Variants in APOL6 observed in about 807,000 individuals in gnomAD.
APOL6 encodes the protein apolipoprotein L, 6.
A neutral mutation model predicts 2.4 loss-of-function variants in APOL6; 1 was observed. The observed-to-expected ratio is 0.41, with a 90% CI of 0.15 to 1.94. The LOEUF (loss-of-function observed/expected upper bound fraction) is 1.94. APOL6 is among the 30% of genes most tolerant of loss of function. APOL6 has a pLI of 0.30. For missense variants in APOL6, 438 were observed against 429.2 expected, an observed-to-expected ratio of 1.02 and a Z score of -0.18; for synonymous variants, 189 against 169.3, an observed-to-expected ratio of 1.12 and a Z score of -0.90.
rs369107640 is a variant in APOL6 at position 35,659,120 on chromosome 22, C to T, written c.556C>T (p.Arg186Cys). Reference sequence around the variant, plus strand: ...CTTGAAGTATGCCAAGAAAAACGTCCGTGCATTTTGGAAACTCAGAGCCAA... The same window carrying T: ...CTTGAAGTATGCCAAGAAAAACGTCTGTGCATTTTGGAAACTCAGAGCCAA... ...NTLKYAKKNV[R>C]AFWKLRANPR... is the part of the protein sequence containing the mutation. Residue 186 changes from arginine to cysteine, a missense_variant, in exon 3 of 3, where the codon CGT becomes TGT. Arg to Cys is a radical substitution (Grantham distance 180, BLOSUM62 -3). Transcript: ENST00000409652. 2.9e-5 allele frequency: 46 copies of T among 1,613,968 alleles called. No individual in the cohort carries two copies. The highest frequency in any genetic ancestry group is 6.7e-5 in the African/African-American group (5 of 74,904).
rs117457861 is a variant in APOL6 at position 35,653,576 on chromosome 22, A to T, written c.-47-2803A>T. 7.0e-3 allele frequency among the ~76,000 whole-genome samples: 1,059 copies of T among 152,242 alleles called. 9 individuals carry two copies. The highest frequency in any genetic ancestry group is 0.011 in the Non-Finnish European group (764 of 68,006). On this transcript the variant is annotated intron_variant, in intron 1 of 2. Coordinates refer to ENST00000409652, the MANE Select transcript of APOL6 (RefSeq NM_030641.4). The stretch of plus-strand genomic sequence containing the variant: ...TATTATTTTGAGATACGTGGCAAGG[A>T]CCTTCTTGCTGTGTTATCCCATGAC...
In APOL6 at chr22:35,665,285, A is replaced by C. The variant is rs1344770983; in HGVS notation, c.*5689A>C. 1 of 152,174 alleles carries C rather than the reference A, an allele frequency of 6.6e-6. No individual in the cohort carries two copies. The highest frequency in any genetic ancestry group is 1.5e-5 in the Non-Finnish European group (1 of 68,034). The allele number at this position is 152,174 out of a possible 1,614,324, so 9.4% of individuals were successfully genotyped here. A position where few individuals can be genotyped will look rare whatever the true frequency, so the allele number is the denominator to read the frequency against. ...TTGTAACATTGAGTTACAGGGCTTTAACTCCTGTGTCTGAAAAATCACAAA... is the reference window on the plus strand; with the variant it reads ...TTGTAACATTGAGTTACAGGGCTTTCACTCCTGTGTCTGAAAAATCACAAA... On this transcript the variant is annotated 3_prime_UTR_variant, in exon 3 of 3. Transcript: ENST00000409652.
intron 1 of APOL6, among the ~76,000 whole-genome samples, chr22:35,654,990 C>T (rs187773617): frequency 6.6e-6 from 1 of 152,282 alleles, no homozygotes; most frequent in African/African-American, 2.4e-5. Flanking sequence ...CGTAACAAAA[C>T]TTACTGACTA....
rs1277738964 is a variant in APOL6 at position 35,667,403 on chromosome 22, A to C, written c.*7807A>C. 2.0e-5 allele frequency: 3 copies of C among 152,208 alleles called. No individual in the cohort carries two copies. The highest frequency in any genetic ancestry group is 4.8e-5 in the African/African-American group (2 of 41,460). The allele number at this position is 152,208 out of a possible 1,614,324, so 9.4% of individuals were successfully genotyped here. A position where few individuals can be genotyped will look rare whatever the true frequency, so the allele number is the denominator to read the frequency against. On this transcript the variant is annotated 3_prime_UTR_variant, in exon 3 of 3. Coordinates refer to ENST00000409652, the MANE Select transcript of APOL6 (RefSeq NM_030641.4). The stretch of plus-strand genomic sequence containing the variant: ...ATTGGTAGAGATGCCATCACTGGGC[A>C]AGTGTTCTGAAAACATCTTATCTGA...
At chr22:35,654,328 C>T (rs1316644478) in intron 1 of APOL6, among the ~76,000 whole-genome samples, 1 of 152,110 alleles carries the variant, frequency 6.6e-6, no homozygotes, top group African/African-American at 2.4e-5. Flanking sequence ...CCTCAAATCA[C>T]ATGGTTGTTT....
chr22:35,658,040 T>G (rs1227486123), intron 2 of APOL6, among the ~76,000 whole-genome samples: 1 of 152,038 alleles, frequency 6.6e-6, no homozygotes, highest in African/African-American at 2.4e-5. Flanking sequence ...ATAATTTATC[T>G]CAACTCTCAA....
chr22:35,666,326 G>C lies in APOL6; in HGVS notation c.*6730G>C, dbSNP rs1264000617. ...CTCACTCTGTTGCCCAGGCTGGAGT[G>C]CAGCGGCACGATCTTGGCTCACTGC... is the stretch of plus-strand genomic sequence containing the variant. On this transcript the variant is annotated 3_prime_UTR_variant, in exon 3 of 3. Coordinates refer to ENST00000409652, the MANE Select transcript of APOL6 (RefSeq NM_030641.4). 2 of 152,136 alleles carry C rather than the reference G, an allele frequency of 1.3e-5. No homozygotes were observed. Among genetic ancestry groups the C allele is most frequent in the Non-Finnish European group, 2.9e-5 (2 of 68,038 alleles). The allele number at this position is 152,136 out of a possible 1,614,324, so 9.4% of individuals were successfully genotyped here. A position where few individuals can be genotyped will look rare whatever the true frequency, so the allele number is the denominator to read the frequency against.
rs2145960092 is a variant in APOL6 at position 35,661,263 on chromosome 22, C to A, written c.*1667C>A. The A allele has an allele frequency of 6.8e-6, 1 of 146,106 alleles. No homozygotes were observed. Among genetic ancestry groups the A allele is most frequent in the Admixed American group, 7.2e-5 (1 of 13,938 alleles). 9.1% of individuals were successfully genotyped at this position (146,106 alleles called of 1,614,324 possible). A position where few individuals can be genotyped will look rare whatever the true frequency, so the allele number is the denominator to read the frequency against. On this transcript the variant is annotated 3_prime_UTR_variant, in exon 3 of 3. Transcript: ENST00000409652. ...ATCCTATCTACTCGGGAGGCTGAGG[C>A]AGGAGAATCGCTTGAACCCAGGCTG...
At position 35,660,236 on chromosome 22, in the gene APOL6, C is replaced by G. The variant is rs1260416385; in HGVS notation, c.*640C>G. ...GTTGACTGAGGCCATAGGGTGAGGTCCTAACCCGATGGAATTGACTTCTTT... is the reference window on the plus strand; with the variant it reads ...GTTGACTGAGGCCATAGGGTGAGGTGCTAACCCGATGGAATTGACTTCTTT... On this transcript the variant is annotated 3_prime_UTR_variant, in exon 3 of 3. Transcript: ENST00000409652. The G allele has an allele frequency of 6.6e-6, 1 of 152,670 alleles. No individual in the cohort carries two copies. The highest frequency in any genetic ancestry group is 1.5e-5 in the Non-Finnish European group (1 of 68,454). 9.5% of individuals were successfully genotyped at this position (152,670 alleles called of 1,614,324 possible). A position where few individuals can be genotyped will look rare whatever the true frequency, so the allele number is the denominator to read the frequency against.
Position 35,659,210 on chromosome 22 carries a change from G to A in APOL6, c.646G>A (p.Val216Met), listed in dbSNP as rs145863080. 7.0e-5 allele frequency: 113 copies of A among 1,614,060 alleles called. No homozygotes were observed. Among genetic ancestry groups the A allele is most frequent in the African/African-American group, 2.5e-4 (19 of 74,928 alleles). ...TTGQVSSRSR[V>M]QVQKAFAGTT... ...TGGCCAAGTCTCCTCCCGGAGCCGC[G>A]TGCAGGTGCAAAAGGCCTTTGCGGG... Residue 216 changes from valine to methionine, a missense_variant, in exon 3 of 3, where the codon GTG becomes ATG. Physicochemically the swap from Val to Met is conservative, Grantham distance 21 (BLOSUM62 1). Coordinates refer to ENST00000409652, the MANE Select transcript of APOL6 (RefSeq NM_030641.4).
At chr22:35,653,677 C>T (rs1005054171) in intron 1 of APOL6, among the ~76,000 whole-genome samples, 1 of 152,190 alleles carries the variant, frequency 6.6e-6, no homozygotes, top group African/African-American at 2.4e-5. Flanking sequence ...TACTACTACC[C>T]TCAATACTCA....
rs1442471866 is a variant in APOL6 at position 35,659,779 on chromosome 22, GT to G, written c.*186del. 1 of 1,094,870 alleles carries G rather than the reference GT, an allele frequency of 9.1e-7. No homozygotes were observed. Among genetic ancestry groups the G allele is most frequent in the Non-Finnish European group, 1.3e-6 (1 of 788,424 alleles). 67.8% of individuals were successfully genotyped at this position (1,094,870 alleles called of 1,614,324 possible). A position where few individuals can be genotyped will look rare whatever the true frequency, so the allele number is the denominator to read the frequency against. On this transcript the variant is annotated 3_prime_UTR_variant, in exon 3 of 3. Transcript: ENST00000409652. ...TGTTTGTTTGTTTGTTTGTTTGTTT[GT>G]TTGTTTTGAGACAGGGTCTCTGTTG... is the stretch of plus-strand genomic sequence containing the variant.
At position 35,660,403 on chromosome 22, in the gene APOL6, A is replaced by G. The variant is rs780131894; in HGVS notation, c.*807A>G. ...GCCCTCACCAGGAACTGAATAAGTC[A>G]GTCAGTCTGGGACTTCCAGCCTCTA... On this transcript the variant is annotated 3_prime_UTR_variant, in exon 3 of 3. Coordinates refer to ENST00000409652, the MANE Select transcript of APOL6 (RefSeq NM_030641.4). The G allele has an allele frequency of 6.6e-6, 1 of 152,284 alleles. No homozygotes were observed. Among genetic ancestry groups the G allele is most frequent in the Non-Finnish European group, 1.5e-5 (1 of 68,062 alleles). 9.4% of individuals were successfully genotyped at this position (152,284 alleles called of 1,614,324 possible).
rs564307064 is a variant in APOL6 at position 35,664,764 on chromosome 22, T to C, written c.*5168T>C. 160 of 152,152 alleles carry C rather than the reference T, an allele frequency of 1.1e-3. 1 individual carries two copies. Among genetic ancestry groups the C allele is most frequent in the Middle Eastern group, 6.8e-3 (2 of 292 alleles). 9.4% of individuals were successfully genotyped at this position (152,152 alleles called of 1,614,324 possible). On this transcript the variant is annotated 3_prime_UTR_variant, in exon 3 of 3. Coordinates refer to ENST00000409652, the MANE Select transcript of APOL6 (RefSeq NM_030641.4). ...TTGGGTATTTTCCAATAAATATATC[T>C]TGTAGGAAAACATTGTTGCTTAAAA...
intron 1 of APOL6, among the ~76,000 whole-genome samples, chr22:35,651,111 A>T (rs1924679231): frequency 6.6e-6 from 1 of 152,106 alleles, no homozygotes; most frequent in South Asian, 2.1e-4. Flanking sequence ...TGGACCAAGT[A>T]CCAAATGTAG....
In APOL6 at chr22:35,658,660, C is replaced by T. The variant is rs752946688; in HGVS notation, c.96C>T (p.Asp32=). The T allele has an allele frequency of 9.2e-5, 149 of 1,613,828 alleles. No homozygotes were observed. The highest frequency in any genetic ancestry group is 3.3e-4 in the Middle Eastern group (2 of 6,084). The change falls in exon 3 of 3, where the codon GAC becomes GAT. Residue 32 remains aspartate (D), a synonymous_variant. Coordinates refer to ENST00000409652, the MANE Select transcript of APOL6 (RefSeq NM_030641.4). Reference sequence around the variant, plus strand: ...TGTGTGAAGACGTGGAGCTACAAGACGGAGATCTGTCCCCCGAAGAAAAAA... The same window carrying T: ...TGTGTGAAGACGTGGAGCTACAAGATGGAGATCTGTCCCCCGAAGAAAAAA... ...APLCEDVELQ[D]GDLSPEEKIF...
At chr22:35,652,668 T>A (rs1470217851) in intron 1 of APOL6, among the ~76,000 whole-genome samples, 2 of 152,206 alleles carry the variant, frequency 1.3e-5, no homozygotes, top group Admixed American at 6.5e-5. Flanking sequence ...TTTCCCCATT[T>A]CTTGTTTTTG....
Position 35,662,929 on chromosome 22 carries a change from T to C in APOL6, c.*3333T>C, listed in dbSNP as rs1180534050. The C allele has an allele frequency of 2.0e-5, 3 of 152,262 alleles. No homozygotes were observed. The highest frequency in any genetic ancestry group is 4.4e-5 in the Non-Finnish European group (3 of 68,046). The allele number at this position is 152,262 out of a possible 1,614,324, so 9.4% of individuals were successfully genotyped here. On this transcript the variant is annotated 3_prime_UTR_variant, in exon 3 of 3. Coordinates refer to ENST00000409652, the MANE Select transcript of APOL6 (RefSeq NM_030641.4). ...TTTGGTAGAGATCGGAAGTTTATTT[T>C]GCTGTACAACACCTCTTTTTTTGGA... is the stretch of plus-strand genomic sequence containing the variant.
chr22:35,662,701 T>C lies in APOL6; in HGVS notation c.*3105T>C, dbSNP rs939625290. 3 of 152,214 alleles carry C rather than the reference T, an allele frequency of 2.0e-5. No individual in the cohort carries two copies. The highest frequency in any genetic ancestry group is 2.9e-5 in the Non-Finnish European group (2 of 68,042). 9.4% of individuals were successfully genotyped at this position (152,214 alleles called of 1,614,324 possible). A position where few individuals can be genotyped will look rare whatever the true frequency, so the allele number is the denominator to read the frequency against. On this transcript the variant is annotated 3_prime_UTR_variant, in exon 3 of 3. Coordinates refer to ENST00000409652, the MANE Select transcript of APOL6 (RefSeq NM_030641.4). ...TCCTCAACCTTGGCAAAATAAACTT[T>C]CTAAATTAACTGAGACCTGTCTCGG...
Sources: allele counts gnomAD v4.1 joint callset (sites outside exome capture counted in the v4.1 genomes callset), GRCh38; gene constraint gnomAD v4.1.1; transcripts MANE v1.5; gene names NCBI Gene and HGNC (gene_info 2026-07-23, HGNC 2026-07-21).